The following POLR2F variants were observed in gnomAD, a reference collection of about 807,000 sequenced individuals.
POLR2F encodes the protein DNA-directed RNA polymerases I, II, and III subunit RPABC2.
POLR2F carries 12 observed loss-of-function variants against 22.7 expected under a neutral mutation model. The ratio of observed to expected loss-of-function variants is 0.53; its 90% CI spans 0.34 to 0.86. POLR2F has a LOEUF of 0.86. POLR2F is among the 40% of genes least tolerant of loss of function. The probability of loss-of-function intolerance (pLI) is 0.02; values close to 1 mark genes in which losing one functional copy is unlikely to be tolerated. For synonymous variants in POLR2F, 57 were observed against 66.0 expected (o/e 0.86, Z 0.66); for missense variants, 126 against 171.5 (o/e 0.73, Z 1.48).
downstream of POLR2F, among the ~76,000 whole-genome samples, chr22:38,030,646 ACCCCAGGCCTGTGGGT>A (rs1347866632): frequency 6.6e-6 from 1 of 152,096 alleles, no homozygotes; most frequent in Non-Finnish European, 1.5e-5. Context: ...ATGGTCTGAG[ACCCCAGGCCTGTGGGT>A]CTGAGACTTA....
rs2085134696 is a variant in POLR2F at position 38,038,174 on chromosome 22, T to C, written c.453-2894T>C. Among the ~76,000 whole-genome samples the C allele has an allele frequency of 3.3e-5, 5 of 152,198 alleles. No homozygotes were observed. In the South Asian group the frequency reaches 1.0e-3, roughly 32 times the overall value. On this transcript the variant is annotated intron_variant, in intron 5 of 5. Coordinates refer to the POLR2F transcript ENST00000407936. ...ATGTGATTAAATTTTAGGAAAAACG[T>C]CCTGAAAGGCAAACTGTGCAAAGAT...
rs1286674385 is a variant in POLR2F at position 37,980,071 on chromosome 22, G to A, written c.293+12901G>A. Among the ~76,000 whole-genome samples, 3 of 152,170 alleles carry A rather than the reference G, an allele frequency of 2.0e-5. No individual in the cohort carries two copies. Among genetic ancestry groups the A allele is most frequent in the African/African-American group, 7.2e-5 (3 of 41,440 alleles). ...TCCCCCCACCCCGGCCCTGAGCCCA[G>A]CCCTAGCCCCAGCTTTCTCAGAGGG... is the stretch of plus-strand genomic sequence containing the variant. On this transcript the variant is annotated intron_variant, in intron 4 of 4. Coordinates refer to the POLR2F transcript ENST00000405557. The surrounding 1 kb of genome is among the most constrained non-coding windows in gnomAD (Gnocchi z 4.1).
At chr22:37,976,222 CAAACAA>C (rs1305354233) in intron 4 of POLR2F, among the ~76,000 whole-genome samples, 1 of 152,190 alleles carries the variant, frequency 6.6e-6, no homozygotes, top group Middle Eastern at 3.4e-3. Context: ...GACTCCATCT[CAAACAA>C]AAACAAAAAC....
In POLR2F at chr22:37,980,120, G is replaced by GAGTC. The variant is rs1932351480; in HGVS notation, c.293+12954_293+12957dup. On this transcript the variant is annotated intron_variant, in intron 4 of 4. Coordinates refer to the POLR2F transcript ENST00000405557. The surrounding 1 kb of genome is among the most constrained non-coding windows in gnomAD (Gnocchi z 4.1). ...GGTCCCTCCAGCCGAGACTCTGTCAGAGTCAGTGTACACACTTAGGACAAA... is the reference window on the plus strand; with the variant it reads ...GGTCCCTCCAGCCGAGACTCTGTCAGAGTCAGTCAGTGTACACACTTAGGACAAA... Among the ~76,000 whole-genome samples, 1 of 152,160 alleles carries GAGTC rather than the reference G, an allele frequency of 6.6e-6. No individual in the cohort carries two copies.
intron 1 of POLR2F, among the ~76,000 whole-genome samples, chr22:37,990,546 C>T (rs1932704150): frequency 6.6e-6 from 1 of 152,270 alleles, no homozygotes; most frequent in Non-Finnish European, 1.5e-5. Context: ...CTGTGCAGGG[C>T]ACTGGGCCAG....
intron 5 of POLR2F, among the ~76,000 whole-genome samples, chr22:38,039,479 G>A (rs1009850450): frequency 6.6e-6 from 1 of 152,326 alleles, no homozygotes; most frequent in East Asian, 1.9e-4. Context: ...TCATCCAGTT[G>A]ACTCCAGGGC....
intron 1 of POLR2F, among the ~76,000 whole-genome samples, chr22:38,015,099 C>A (rs1037592164): frequency 6.6e-6 from 1 of 152,218 alleles, no homozygotes; most frequent in Non-Finnish European, 1.5e-5. Context: ...AGCCACCGCA[C>A]CCGGCCTCTG....
At chr22:37,999,195 G>A (rs2084746538) in intron 1 of POLR2F, among the ~76,000 whole-genome samples, 1 of 152,164 alleles carries the variant, frequency 6.6e-6, no homozygotes, top group Non-Finnish European at 1.5e-5. Flanking sequence ...ATGCCCTGGG[G>A]ATGGTGCTGT....
At chr22:38,034,202 C>G (rs1015455237) in intron 5 of POLR2F, 3 of 169,252 alleles carry the variant, frequency 1.8e-5, no homozygotes, top group Admixed American at 1.3e-4. Context: ...GGCCTGTCCA[C>G]GCTGCTCCTC....
chr22:38,019,815 G>C (rs2084944778), intron 1 of POLR2F, among the ~76,000 whole-genome samples: 1 of 152,206 alleles, frequency 6.6e-6, no homozygotes, highest in Non-Finnish European at 1.5e-5. Flanking sequence ...AGGAGTTCGA[G>C]ACCAGCCTGA....
Position 37,986,608 on chromosome 22 carries a change from C to T in POLR2F, c.120+296C>T, listed in dbSNP as rs1932588357. On this transcript the variant is annotated intron_variant, in intron 1 of 2. Coordinates refer to the POLR2F transcript ENST00000333418. The surrounding 1 kb of genome is among the most constrained non-coding windows in gnomAD (Gnocchi z 4.7). ...CGCTAGACAGAAGGGGCCACTCCCT[C>T]TCTCTCTCCCTTGTCCCCGCACAGA... 5.8e-6 allele frequency: 4 copies of T among 685,060 alleles called. No homozygotes were observed. The highest frequency in any genetic ancestry group is 1.1e-5 in the Non-Finnish European group (4 of 377,050). 42.4% of individuals were successfully genotyped at this position (685,060 alleles called of 1,614,324 possible).
chr22:37,976,557 C>A (rs550999574), intron 4 of POLR2F, among the ~76,000 whole-genome samples: 5 of 152,188 alleles, frequency 3.3e-5, no homozygotes, highest in African/African-American at 1.2e-4. Context: ...ATGTGGCAGA[C>A]CTGTGTGTGT....
intron 5 of POLR2F, chr22:38,040,214 G>A (rs554992744): frequency 1.7e-4 from 24 of 137,996 alleles, no homozygotes; most frequent in African/African-American, 6.1e-4. Context: ...GAACCTGTGA[G>A]GTCAAAGCTG....
chr22:37,976,753 C>T (rs1417342333), intron 4 of POLR2F, among the ~76,000 whole-genome samples: 2 of 152,204 alleles, frequency 1.3e-5, no homozygotes, highest in Non-Finnish European at 2.9e-5. Context: ...AGTTAGTATA[C>T]ATAAGGCAAC....
intron 1 of POLR2F, among the ~76,000 whole-genome samples, chr22:38,014,805 TA>T (rs1286509166): frequency 0.018 from 1,888 of 103,786 alleles, 16 homozygotes; most frequent in Middle Eastern, 0.034. Flanking sequence ...TGTATTTTTG[TA>T]TTTTTTTTTT....
Position 37,967,952 on chromosome 22 carries a change from A to C in POLR2F, c.*237A>C. The C allele has an allele frequency of 2.6e-6, 3 of 1,173,498 alleles. No individual in the cohort carries two copies. Among genetic ancestry groups the C allele is most frequent in the Non-Finnish European group, 2.1e-6 (2 of 948,134 alleles). 72.7% of individuals were successfully genotyped at this position (1,173,498 alleles called of 1,614,324 possible). A position where few individuals can be genotyped will look rare whatever the true frequency, so the allele number is the denominator to read the frequency against. ...CCCTTAGCCCCTTTGGATCCCCCAC[A>C]TCCTTCCCTCCATCTCCCTGTTCCC... On this transcript the variant is annotated 3_prime_UTR_variant, in exon 5 of 5. Transcript: ENST00000442738.
At chr22:38,028,133 G>T (rs2085031393), downstream of POLR2F, among the ~76,000 whole-genome samples, 1 of 152,110 alleles carries the variant, frequency 6.6e-6, no homozygotes, top group Admixed American at 6.6e-5. Context: ...TTGACATCCC[G>T]CAGCTTGTTC....
At chr22:38,022,551 C>CAAAAAAAAA (rs376987789) in intron 1 of POLR2F, among the ~76,000 whole-genome samples, 2 of 55,814 alleles carry the variant, frequency 3.6e-5, no homozygotes, top group Non-Finnish European at 7.2e-5. Context: ...AACGCTGTCT[C>CAAAAAAAAA]AAAAAAAAAA....
chr22:37,989,502 C>T (rs1166893762), intron 1 of POLR2F, among the ~76,000 whole-genome samples: 1 of 152,208 alleles, frequency 6.6e-6, no homozygotes. Context: ...GGATGACAAG[C>T]TCCTCTGTCA....
Sources: allele counts gnomAD v4.1 joint callset (sites outside exome capture counted in the v4.1 genomes callset), GRCh38; gene constraint gnomAD v4.1.1; non-coding constraint Gnocchi (gnomAD v3.1); transcripts MANE v1.5; gene names NCBI Gene and HGNC (gene_info 2026-07-23, HGNC 2026-07-21).